The following H2BC18 variants were observed in gnomAD, a reference collection of about 807,000 sequenced individuals.
The protein encoded by H2BC18 is histone H2B type 2-F.
A neutral mutation model predicts 6.3 loss-of-function variants in H2BC18; 8 were observed. The observed-to-expected ratio is 1.28, with a 90% CI of 0.75 to 2.31. The LOEUF is 2.31. Ranked by LOEUF, H2BC18 falls within the 30% of genes most tolerant of loss-of-function variation. The pLI, the probability that H2BC18 is intolerant of heterozygous loss-of-function variation, is 0.00. For synonymous variants in H2BC18, 104 were observed against 78.1 expected (o/e 1.33, Z -1.75); for missense variants, 106 against 174.5 (o/e 0.61, Z 2.21).
intron 1 of H2BC18, chr1:149,788,136 G>T: frequency 3.1e-6 from 2 of 638,740 alleles, no homozygotes; most frequent in East Asian, 5.8e-5. Flanking sequence ...CAACTTCTGA[G>T]ATCTGGAAAG....
chr1:149,789,929 G>A (rs674272), intron 1 of H2BC18: 1 of 1,584,988 alleles, frequency 6.3e-7, no homozygotes, highest in African/African-American at 1.4e-5. Context: ...GAAGTAAAAA[G>A]GGTTAATGCC....
chr1:149,806,396 T>A (rs2091917049), intron 1 of H2BC18, among the ~76,000 whole-genome samples: 1 of 151,894 alleles, frequency 6.6e-6, no homozygotes, highest in Non-Finnish European at 1.5e-5. Context: ...ATCGAGACCA[T>A]CCTAACACAG....
chr1:149,788,295 C>A, intron 1 of H2BC18: 1 of 1,610,474 alleles, frequency 6.2e-7, no homozygotes. Flanking sequence ...ATAGGAAGCC[C>A]ACAGGGCCAA....
intron 1 of H2BC18, among the ~76,000 whole-genome samples, chr1:149,803,257 A>G (rs1274372185): frequency 6.6e-6 from 1 of 152,070 alleles, no homozygotes; most frequent in African/African-American, 2.4e-5. Context: ...GACTTGTGCA[A>G]AATCAAAACA....
intron 1 of H2BC18, chr1:149,794,107 G>A (rs1462269470): frequency 8.6e-6 from 4 of 466,748 alleles, no homozygotes; most frequent in Admixed American, 2.4e-5. Context: ...GACAACAGTA[G>A]AAGCAAAGAG....
At chr1:149,792,811 G>A (rs2091745067) in intron 1 of H2BC18, 2 of 1,279,210 alleles carry the variant, frequency 1.6e-6, no homozygotes, top group African/African-American at 1.6e-5. Flanking sequence ...AGGAGTCGGT[G>A]GGCAGCAACG....
intron 1 of H2BC18, among the ~76,000 whole-genome samples, chr1:149,797,084 T>G (rs1232028218): frequency 6.6e-6 from 1 of 152,226 alleles, no homozygotes; most frequent in Non-Finnish European, 1.5e-5. Flanking sequence ...GGCTAATTTT[T>G]GTATTTTTAG....
chr1:149,797,600 T>C lies in H2BC18; in HGVS notation c.378-14340A>G, dbSNP rs587685220. On this transcript the variant is annotated intron_variant, in intron 1 of 1. Coordinates refer to the H2BC18 transcript ENST00000545683. ...CACAGGTTTTTGTTGTGTTCCTTTG[T>C]TAGCGTTTGAGTTAAAAACTTAATT... is the stretch of plus-strand genomic sequence containing the variant. 2.0e-5 allele frequency among the ~76,000 whole-genome samples: 3 copies of C among 152,308 alleles called. No individual in the cohort carries two copies. The East Asian group carries it at 5.8e-4, about 29-fold the overall frequency.
intron 1 of H2BC18, chr1:149,794,073 G>C (rs2091771403): frequency 1.9e-6 from 1 of 531,798 alleles, no homozygotes; most frequent in Admixed American, 2.3e-5. Context: ...CTTAGTTGGA[G>C]ACAGATTCCT....
At chr1:149,801,414 G>A (rs1444247579) in intron 1 of H2BC18, among the ~76,000 whole-genome samples, 17 of 150,738 alleles carry the variant, frequency 1.1e-4, no homozygotes, top group Middle Eastern at 6.8e-3. Flanking sequence ...TGGGAAACTT[G>A]CAGAGCACTT....
rs587684701 is a variant in H2BC18, at chr1:149,811,920, T to A, written c.*23A>T. The A allele has an allele frequency of 1.9e-6, 3 of 1,593,084 alleles. No individual in the cohort carries two copies. The Admixed American group carries it at 5.0e-5, about 27-fold the overall frequency. ...AGAGCCTTTGGGGTTAGGTGGTTGA[T>A]CTATTGCGTCCCTTGCACACTCTTA... On this transcript the variant is annotated 3_prime_UTR_variant, in exon 1 of 1. Coordinates refer to ENST00000369167, the MANE Select transcript of H2BC18 (RefSeq NM_001024599.5).
chr1:149,802,763 G>C (rs1273900626), intron 1 of H2BC18, among the ~76,000 whole-genome samples: 2 of 152,128 alleles, frequency 1.3e-5, no homozygotes, highest in Admixed American at 6.5e-5. Context: ...GCAAGCCACT[G>C]GTGTTAAGTC....
downstream of H2BC18, among the ~76,000 whole-genome samples, chr1:149,807,938 T>G (rs1459690624): frequency 4.6e-5 from 7 of 152,218 alleles, no homozygotes; most frequent in Admixed American, 1.3e-4. Flanking sequence ...CTGAGTATGA[T>G]GTGCATAAAT....
intron 1 of H2BC18, chr1:149,793,232 G>A (rs1553752420): frequency 1.6e-6 from 2 of 1,260,906 alleles, no homozygotes; most frequent in African/African-American, 1.6e-5. Flanking sequence ...CGCAAGAGCA[G>A]CCGGAGGCGG....
chr1:149,785,479 T>C (rs3967878), intron 1 of H2BC18, among the ~76,000 whole-genome samples: 1 of 142,832 alleles, frequency 7.0e-6, no homozygotes, highest in Non-Finnish European at 1.5e-5. Flanking sequence ...TGCAGTGGTG[T>C]GATCTTGGCT....
chr1:149,791,288 T>C, intron 1 of H2BC18: 4 of 1,603,656 alleles, frequency 2.5e-6, no homozygotes, highest in Non-Finnish European at 2.5e-6. Flanking sequence ...TATCTGGCAG[T>C]GGGAATAATG....
chr1:149,810,183 G>A (rs2091958002), downstream of H2BC18, among the ~76,000 whole-genome samples: 1 of 152,078 alleles, frequency 6.6e-6, no homozygotes, highest in Non-Finnish European at 1.5e-5. Flanking sequence ...GGAGGAAATT[G>A]GATAAATTCT....
intron 1 of H2BC18, among the ~76,000 whole-genome samples, chr1:149,785,434 T>TTTTTA (rs2091521160): frequency 1.4e-5 from 2 of 142,012 alleles, no homozygotes; most frequent in African/African-American, 5.4e-5. Flanking sequence ...TTTTTTTTTT[T>TTTTTA]GAGACAGAGT....
intron 1 of H2BC18, chr1:149,792,994 C>G: frequency 7.8e-7 from 1 of 1,275,236 alleles, no homozygotes; most frequent in Non-Finnish European, 1.0e-6. Flanking sequence ...CCTCCCCAGG[C>G]GCGTAGCTGA....
Sources: allele counts gnomAD v4.1 joint callset (sites outside exome capture counted in the v4.1 genomes callset), GRCh38; gene constraint gnomAD v4.1.1; transcripts MANE v1.5; gene names NCBI Gene and HGNC (gene_info 2026-07-23, HGNC 2026-07-21).